Variants in PPP2R2C observed in about 807,000 individuals in gnomAD.
PPP2R2C encodes protein phosphatase 2, regulatory subunit B, gamma.
Under a neutral mutation model 45.3 loss-of-function variants are expected in PPP2R2C, and 10 were observed. The ratio of observed to expected loss-of-function variants is 0.22; its 90% CI spans 0.14 to 0.37. The LOEUF (loss-of-function observed/expected upper bound fraction) is 0.37. Among genes scored for constraint, PPP2R2C ranks in the 10% least tolerant of loss-of-function variants. PPP2R2C has a pLI of 1.00. For synonymous variants in PPP2R2C, 257 were observed against 245.4 expected (o/e 1.05, Z -0.44); for missense variants, 308 against 619.7 (o/e 0.50, Z 5.34).
chr4:6,334,744 C>A (rs1004857046), intron 6 of PPP2R2C, among the ~76,000 whole-genome samples: 28 of 152,208 alleles, frequency 1.8e-4, no homozygotes, highest in African/African-American at 6.5e-4. Flanking sequence ...CCTATGACAA[C>A]CTGTCCAGCT....
At chr4:6,359,782 G>GC (rs530241175) in intron 5 of PPP2R2C, among the ~76,000 whole-genome samples, 2 of 152,220 alleles carry the variant, frequency 1.3e-5, no homozygotes, top group Middle Eastern at 3.4e-3. Flanking sequence ...GCACCAGTCT[G>GC]CCCCCCGGTC....
intron 1 of PPP2R2C, among the ~76,000 whole-genome samples, chr4:6,538,065 G>A (rs1433719970): frequency 4.6e-5 from 7 of 152,068 alleles, no homozygotes; most frequent in East Asian, 1.9e-4. Flanking sequence ...GGAATGTACC[G>A]GATGCTACTG....
At chr4:6,554,926 GGAAGGAAAGAAA>G (rs1337020324) in intron 1 of PPP2R2C, among the ~76,000 whole-genome samples, 2,847 of 94,344 alleles carry the variant, frequency 0.03, 45 homozygotes, top group African/African-American at 0.054. Context: ...AAGGAAGGAA[GGAAGGAAAGAAA>G]GAAAGAAAGA....
chr4:6,389,020 G>A (rs1716421295), intron 1 of PPP2R2C, among the ~76,000 whole-genome samples: 1 of 151,932 alleles, frequency 6.6e-6, no homozygotes, highest in African/African-American at 2.4e-5. Context: ...ATCGCCCTTG[G>A]ATCTTACAGA....
At chr4:6,354,830 C>A (rs9995060) in intron 5 of PPP2R2C, among the ~76,000 whole-genome samples, 6,510 of 152,196 alleles carry the variant, frequency 0.043, 360 homozygotes, top group African/African-American at 0.13. Flanking sequence ...CAGCCCCCCA[C>A]AGCCAGGCCC....
intron 1 of PPP2R2C, among the ~76,000 whole-genome samples, chr4:6,420,663 T>C (rs992380486): frequency 6.6e-6 from 1 of 152,086 alleles, no homozygotes; most frequent in African/African-American, 2.4e-5. Flanking sequence ...TCCAGGAAAT[T>C]ATGGGCTTGG....
At chr4:6,341,748 T>C (rs1733459077) in intron 6 of PPP2R2C, among the ~76,000 whole-genome samples, 1 of 152,076 alleles carries the variant, frequency 6.6e-6, no homozygotes, top group Non-Finnish European at 1.5e-5. Flanking sequence ...GATGGGATGA[T>C]GGAAGCAGAG....
rs551726016 is a variant in PPP2R2C, at chr4:6,531,815, G to A, written c.49+3456C>T. Among the ~76,000 whole-genome samples the A allele has an allele frequency of 1.2e-4, 19 of 152,274 alleles. No individual in the cohort carries two copies. The South Asian group carries it at 3.9e-3, about 32-fold the overall frequency. ...TTCTCCAAAGAAGGCTGATGAGTGA[G>A]CTGTGATTAAAATGGAGCAAGTGAA... is the stretch of plus-strand genomic sequence containing the variant. On this transcript the variant is annotated intron_variant, in intron 2 of 9. Transcript: ENST00000506140.
chr4:6,408,449 C>T (rs1340221310), intron 1 of PPP2R2C, among the ~76,000 whole-genome samples: 1 of 152,186 alleles, frequency 6.6e-6, no homozygotes. Flanking sequence ...AATCACCAGG[C>T]CTCCCAGAGA....
chr4:6,537,029 C>A (rs984712838), intron 1 of PPP2R2C, among the ~76,000 whole-genome samples: 2 of 151,992 alleles, frequency 1.3e-5, no homozygotes, highest in East Asian at 3.9e-4. Context: ...ATGGTGAAAC[C>A]CTGTCTCTAC....
chr4:6,354,679 G>T (rs2109246785), intron 5 of PPP2R2C, among the ~76,000 whole-genome samples: 1 of 128,532 alleles, frequency 7.8e-6, no homozygotes, highest in African/African-American at 3.1e-5. Context: ...ACACTAACAG[G>T]GTGCAGAAGG....
At chr4:6,411,157 C>T (rs1718166115) in intron 1 of PPP2R2C, among the ~76,000 whole-genome samples, 1 of 152,110 alleles carries the variant, frequency 6.6e-6, no homozygotes, top group South Asian at 2.1e-4. Context: ...AGGTGTGAGC[C>T]ACCAGTACCT....
Position 6,388,047 on chromosome 4 carries a change from G to A in PPP2R2C, c.71-6953C>T, listed in dbSNP as rs559453970. ...TGGAGCTGCCACTGGCTGCAGCCTCGAGCTCAGGGCCCCAGATCAGCCACT... is the reference window on the plus strand; with the variant it reads ...TGGAGCTGCCACTGGCTGCAGCCTCAAGCTCAGGGCCCCAGATCAGCCACT... On this transcript the variant is annotated intron_variant, in intron 1 of 8. Transcript: ENST00000382599. Among the ~76,000 whole-genome samples the A allele has an allele frequency of 3.5e-4, 53 of 152,300 alleles. No homozygotes were observed. The South Asian group carries it at 0.011, about 31-fold the overall frequency.
intron 6 of PPP2R2C, among the ~76,000 whole-genome samples, chr4:6,336,932 G>A (rs1190896581): frequency 1.4e-5 from 1 of 71,460 alleles, no homozygotes; most frequent in Non-Finnish European, 2.9e-5. Flanking sequence ...TCCCTCCTGT[G>A]AGCCCTCCAA....
At chr4:6,356,917 C>T (rs1713249712) in intron 5 of PPP2R2C, among the ~76,000 whole-genome samples, 1 of 146,912 alleles carries the variant, frequency 6.8e-6, no homozygotes, top group South Asian at 2.2e-4. Context: ...TCAGGTGGGA[C>T]CCTGGGTCCC....
intron 5 of PPP2R2C, among the ~76,000 whole-genome samples, chr4:6,359,001 A>G (rs965340535): frequency 2.6e-5 from 4 of 152,224 alleles, no homozygotes; most frequent in Non-Finnish European, 4.4e-5. Context: ...CTGGGTATAT[A>G]CCCAAAGGAT....
At chr4:6,470,297 C>G (rs1442589102) in intron 1 of PPP2R2C, among the ~76,000 whole-genome samples, 2 of 152,164 alleles carry the variant, frequency 1.3e-5, no homozygotes, top group East Asian at 3.9e-4. Flanking sequence ...GTAAATATCT[C>G]GTGTCTGGAT....
At position 6,368,904 on chromosome 4, in the gene PPP2R2C, T is replaced by C. The variant is rs189711932; in HGVS notation, c.625+3619A>G. On this transcript the variant is annotated intron_variant, in intron 5 of 8. Coordinates refer to ENST00000382599, the MANE Select transcript of PPP2R2C (RefSeq NM_020416.4). The surrounding 1 kb of genome is among the most constrained non-coding windows in gnomAD (Gnocchi z 4.2). ...TGTTTACAGTACATCAATAGCTTCATAGTTTCCCGTTCCCTGGAAGCAGGC... is the reference window on the plus strand; with the variant it reads ...TGTTTACAGTACATCAATAGCTTCACAGTTTCCCGTTCCCTGGAAGCAGGC... Among the ~76,000 whole-genome samples the C allele has an allele frequency of 6.6e-6, 1 of 152,148 alleles. No individual in the cohort carries two copies. The highest frequency in any genetic ancestry group is 1.5e-5 in the Non-Finnish European group (1 of 68,026).
At chr4:6,334,067 G>C (rs762211454) in intron 6 of PPP2R2C, among the ~76,000 whole-genome samples, 1 of 152,164 alleles carries the variant, frequency 6.6e-6, no homozygotes, top group African/African-American at 2.4e-5. Context: ...CCCCCTACTG[G>C]TGATGCTGAA....
Sources: allele counts gnomAD v4.1 joint callset (sites outside exome capture counted in the v4.1 genomes callset), GRCh38; gene constraint gnomAD v4.1.1; non-coding constraint Gnocchi (gnomAD v3.1); transcripts MANE v1.5; gene names NCBI Gene and HGNC (gene_info 2026-07-23, HGNC 2026-07-21).